Variants in GALNT6 observed in about 807,000 individuals in gnomAD.
The protein encoded by GALNT6 is GalNAc transferase 6.
A neutral mutation model predicts 65.9 loss-of-function variants in GALNT6; 51 were observed. That is an observed-to-expected ratio of 0.77 (90% CI 0.62 to 0.98). GALNT6 has a LOEUF of 0.98. Among genes scored for constraint, GALNT6 ranks in the 50% least tolerant of loss-of-function variants. The pLI, the probability that GALNT6 is intolerant of heterozygous loss-of-function variation, is 0.00. For synonymous variants in GALNT6, 323 were observed against 315.1 expected (o/e 1.02, Z -0.26); for missense variants, 708 against 803.3 (o/e 0.88, Z 1.43).
In GALNT6 at chr12:51,370,427, C is replaced by T. The variant is rs147249287; in HGVS notation, c.665-4848G>A. Among the ~76,000 whole-genome samples, 615 of 152,236 alleles carry T rather than the reference C, an allele frequency of 4.0e-3. 8 individuals are homozygous for T. The highest frequency in any genetic ancestry group is 0.014 in the African/African-American group (582 of 41,532). ...GCACGTGCCTGTAATCCCAACTACT[C>T]GGGAGGCCGAGGCAGGAGAATCACT... On this transcript the variant is annotated intron_variant, in intron 4 of 11. Coordinates refer to ENST00000356317, the MANE Select transcript of GALNT6 (RefSeq NM_007210.4).
At chr12:51,375,978 A>T (rs1947440715) in intron 4 of GALNT6, among the ~76,000 whole-genome samples, 1 of 152,006 alleles carries the variant, frequency 6.6e-6, no homozygotes. Flanking sequence ...CTTGTGCCTC[A>T]GCCTCCCGAG....
chr12:51,381,520 T>C (rs532019429), intron 2 of GALNT6, among the ~76,000 whole-genome samples: 1 of 152,226 alleles, frequency 6.6e-6, no homozygotes, highest in African/African-American at 2.4e-5. Flanking sequence ...TAGTAGCACC[T>C]ACCTCCTAGG....
At position 51,379,372 on chromosome 12, in the gene GALNT6, T is replaced by C. The variant is rs1947580478; in HGVS notation, c.410A>G (p.Tyr137Cys). ...PLETQEKEEG[Y>C]KKHCFNAFAS... ...AAAGGCATTGAAACAGTGCTTCTTA[T>C]AGCCTTCTTCCTTTTCCTGGGTCTC... The change falls in exon 3 of 12, where the codon TAT becomes TGT. Residue 137 changes from tyrosine to cysteine, a missense_variant. Transcript: ENST00000356317. 1.3e-6 allele frequency: 2 copies of C among 1,577,772 alleles called. No individual in the cohort carries two copies. Among genetic ancestry groups the C allele is most frequent in the Non-Finnish European group, 8.6e-7 (1 of 1,164,972 alleles).
At position 51,355,928 on chromosome 12, in the gene GALNT6, G is replaced by T; in HGVS notation, c.1633C>A (p.Arg545Ser). The T allele has an allele frequency of 6.2e-7, 1 of 1,613,448 alleles. No homozygotes were observed. Residue 545 changes from arginine (R) to serine (S), a missense_variant, in exon 11 of 12, where the codon CGC becomes AGC. Physicochemically the swap from Arg to Ser is moderately radical, Grantham distance 110. Coordinates refer to ENST00000356317, the MANE Select transcript of GALNT6 (RefSeq NM_007210.4). ...YFEYTTQRDLRHNIAKQLCLH... is the reference protein window; with the variant it reads ...YFEYTTQRDLSHNIAKQLCLH... ...CACAGCTGCTTTGCGATGTTGTGGC[G>T]AAGGTCCCTCTGAGTTGTGTACTCA...
chr12:51,387,496 G>T lies in GALNT6; in HGVS notation c.-104+3354C>A, dbSNP rs942123287. Among the ~76,000 whole-genome samples, 2 of 152,164 alleles carry T rather than the reference G, an allele frequency of 1.3e-5. No homozygotes were observed. Among genetic ancestry groups the T allele is most frequent in the African/African-American group, 4.8e-5 (2 of 41,426 alleles). On this transcript the variant is annotated intron_variant, in intron 2 of 11. Transcript: ENST00000356317. The surrounding 1 kb of genome is among the most constrained non-coding windows in gnomAD (Gnocchi z 4.2). The stretch of plus-strand genomic sequence containing the variant: ...CTCACCACTGTATACCTAGAGCAGC[G>T]CTTGGCATGTGGTAGGCACTTGGTT...
intron 4 of GALNT6, among the ~76,000 whole-genome samples, chr12:51,370,271 T>G (rs1307281855): frequency 1.3e-5 from 2 of 152,200 alleles, no homozygotes. Flanking sequence ...TGGGCCGGGT[T>G]TGGTGGCTCA....
chr12:51,372,333 C>T (rs556882135), intron 4 of GALNT6, among the ~76,000 whole-genome samples: 3 of 152,130 alleles, frequency 2.0e-5, no homozygotes, highest in East Asian at 3.9e-4. Context: ...CTCAGCCTCT[C>T]GAGTAGCTGG....
chr12:51,371,054 A>AATTATTATT (rs66469959), intron 4 of GALNT6, among the ~76,000 whole-genome samples: 9 of 144,448 alleles, frequency 6.2e-5, no homozygotes, highest in African/African-American at 2.3e-4. Flanking sequence ...CCTTTTAAAA[A>AATTATTATT]ATTATTATTA....
intron 6 of GALNT6, among the ~76,000 whole-genome samples, chr12:51,362,853 GT>G (rs34972366): frequency 0.44 from 65,201 of 147,626 alleles, 14,286 homozygotes; most frequent in African/African-American, 0.5. Context: ...CTCTGAGCAG[GT>G]TTTTTTTTTT....
intron 4 of GALNT6, among the ~76,000 whole-genome samples, chr12:51,368,800 G>GA (rs1947195190): frequency 6.6e-6 from 1 of 152,224 alleles, no homozygotes; most frequent in Admixed American, 6.5e-5. Flanking sequence ...GTCATCTGAG[G>GA]AGGGGGCTGT....
chr12:51,361,530 A>G (rs1278998804), intron 6 of GALNT6, among the ~76,000 whole-genome samples: 1 of 152,198 alleles, frequency 6.6e-6, no homozygotes, highest in Non-Finnish European at 1.5e-5. Flanking sequence ...ATCAAGCTCA[A>G]TTTGGGCTAC....
intron 2 of GALNT6, among the ~76,000 whole-genome samples, chr12:51,386,376 C>A (rs761144302): frequency 2.0e-5 from 3 of 152,176 alleles, no homozygotes; most frequent in Admixed American, 2.0e-4. Context: ...ACCCTTTGAT[C>A]CCCTTCCTGG....
chr12:51,384,439 C>A (rs141607482), intron 2 of GALNT6, among the ~76,000 whole-genome samples: 1 of 152,170 alleles, frequency 6.6e-6, no homozygotes, highest in African/African-American at 2.4e-5. Flanking sequence ...CACCTGAAAT[C>A]CCAGCACTTT....
intron 7 of GALNT6, 153 bp from the exon 8 acceptor site, chr12:51,359,485 A>G (rs972559878): frequency 1.8e-6 from 1 of 567,140 alleles, no homozygotes; most frequent in South Asian, 2.5e-5. Context: ...GATACCGACC[A>G]GGCTTCTTCC....
In GALNT6 at chr12:51,377,228, C is replaced by T; in HGVS notation, c.631G>A (p.Glu211Lys). The T allele has an allele frequency of 1.2e-6, 2 of 1,613,872 alleles. No individual in the cohort carries two copies. The highest frequency in any genetic ancestry group is 1.7e-6 in the Non-Finnish European group (2 of 1,180,024). ...CTGGCATCATCCACCAGTATGATCTCCTTGAGCAAGATGGCAGGGGTGGTG... is the reference window on the plus strand; with the variant it reads ...CTGGCATCATCCACCAGTATGATCTTCTTGAGCAAGATGGCAGGGGTGGTG... ...LHTTPAILLK[E>K]IILVDDASTE... Residue 211 changes from glutamate to lysine, a missense_variant, in exon 4 of 12, where the codon GAG (glutamate) becomes AAG (lysine). Glu to Lys is a moderately conservative substitution (Grantham distance 56). Transcript: ENST00000356317.
intron 2 of GALNT6, among the ~76,000 whole-genome samples, chr12:51,381,369 C>G (rs1947667405): frequency 6.6e-6 from 1 of 152,216 alleles, no homozygotes; most frequent in Non-Finnish European, 1.5e-5. Flanking sequence ...GCTCCACCCC[C>G]AGGCATGTGG....
At chr12:51,378,886 C>A (rs971705971) in intron 3 of GALNT6, among the ~76,000 whole-genome samples, 60 of 142,916 alleles carry the variant, frequency 4.2e-4, no homozygotes, top group African/African-American at 1.4e-3. Context: ...ATGCCCACCC[C>A]CCCCCCAAAC....
At chr12:51,376,231 A>T (rs754942633) in intron 4 of GALNT6, among the ~76,000 whole-genome samples, 2 of 152,198 alleles carry the variant, frequency 1.3e-5, no homozygotes, top group Non-Finnish European at 2.9e-5. Flanking sequence ...TCACAGAGCT[A>T]GGAAGGGTCA....
chr12:51,371,303 C>T (rs879277472), intron 4 of GALNT6, among the ~76,000 whole-genome samples: 21 of 152,032 alleles, frequency 1.4e-4, no homozygotes, highest in Non-Finnish European at 2.5e-4. Context: ...AGGCTGGTCC[C>T]AAACTCCTGA....
Sources: allele counts gnomAD v4.1 joint callset (sites outside exome capture counted in the v4.1 genomes callset), GRCh38; gene constraint gnomAD v4.1.1; non-coding constraint Gnocchi (gnomAD v3.1); transcripts MANE v1.5; gene names NCBI Gene and HGNC (gene_info 2026-07-23, HGNC 2026-07-21).